Variants in CHD6 observed in about 807,000 individuals in gnomAD.
The protein encoded by CHD6 is chromodomain helicase DNA binding protein 6, also known as ATP-dependent chromatin remodeler CHD6.
CHD6 carries 50 observed loss-of-function variants against 276.9 expected under a neutral mutation model. The observed-to-expected ratio is 0.18, with a 90% CI of 0.14 to 0.23. CHD6 has a LOEUF of 0.23. Among genes scored for constraint, CHD6 ranks in the 10% least tolerant of loss-of-function variants. The pLI, the probability that CHD6 is intolerant of heterozygous loss-of-function variation, is 1.00. For missense variants in CHD6, 2,564 were observed against 3,365.8 expected (o/e 0.76, Z 5.89); for synonymous variants, 1,173 against 1,229.3 (o/e 0.95, Z 0.96).
In CHD6 at chr20:41,421,876, C is replaced by T. The variant is rs1391945124; in HGVS notation, c.4759G>A (p.Gly1587Ser). The T allele has an allele frequency of 6.2e-7, 1 of 1,614,098 alleles. No homozygotes were observed. Among genetic ancestry groups the T allele is most frequent in the Non-Finnish European group, 8.5e-7 (1 of 1,180,004 alleles). The change falls in exon 31 of 37, where the codon GGC (glycine) becomes AGC (serine). Residue 1587 changes from glycine (G) to serine (S), a missense_variant. Gly to Ser is a moderately conservative substitution (Grantham distance 56). Around this residue, in one of 7 missense-constraint regions of CHD6, gnomAD observed 515 missense variants for 739.5 expected, o/e 0.70. Coordinates refer to ENST00000373233, the MANE Select transcript of CHD6 (RefSeq NM_032221.5). ...CGGTTCAGCCCATGTTTGGCAGTGC[C>T]GATGAGCAGGTCTCGATCATGCTTC... Reference protein sequence around the residue: ...CGKHDRDLLIGTAKHGLNRTD... With the variant: ...CGKHDRDLLISTAKHGLNRTD...
intron 1 of CHD6, among the ~76,000 whole-genome samples, chr20:41,596,782 C>T (rs2045722272): frequency 6.6e-6 from 1 of 152,042 alleles, no homozygotes; most frequent in African/African-American, 2.4e-5. Context: ...TCCCCTTGGG[C>T]AGGGGATGTG....
At chr20:41,427,370 C>T (rs113549949) in intron 27 of CHD6, among the ~76,000 whole-genome samples, 1,572 of 152,200 alleles carry the variant, frequency 0.01, 22 homozygotes, top group African/African-American at 0.029. Context: ...CGGAGAACTA[C>T]GTGTTAAGCA....
At chr20:41,535,508 CT>C (rs2085942476) in intron 2 of CHD6, among the ~76,000 whole-genome samples, 1 of 152,150 alleles carries the variant, frequency 6.6e-6, no homozygotes, top group Admixed American at 6.5e-5. Context: ...GTATGACCTC[CT>C]GGGGAACTAC....
In CHD6 at chr20:41,421,151, A is replaced by C. The variant is rs763371674; in HGVS notation, c.5484T>G (p.Ser1828Arg). The C allele has an allele frequency of 6.2e-7, 1 of 1,614,012 alleles. No individual in the cohort carries two copies. The highest frequency in any genetic ancestry group is 1.3e-5 in the African/African-American group (1 of 75,034). The change falls in exon 31 of 37, where the codon AGT becomes AGG. Residue 1828 changes from serine to arginine, a missense_variant. Ser to Arg is a moderately radical substitution (Grantham distance 110). This residue lies in a region of CHD6 where 1,024 missense variants were observed against 1,047.9 expected (regional missense o/e 0.98). Coordinates refer to ENST00000373233, the MANE Select transcript of CHD6 (RefSeq NM_032221.5). ...GNESGFVDMC[S>R]LSVCDSKRNL... ...TTCTTTTGGAGTCACAGACACTAAG[A>C]CTGCACATATCTACAAACCCACTTT...
intron 2 of CHD6, among the ~76,000 whole-genome samples, chr20:41,542,054 T>C (rs2044953338): frequency 6.6e-6 from 1 of 152,224 alleles, no homozygotes; most frequent in African/African-American, 2.4e-5. Context: ...AATAAGTGCC[T>C]GTGTTGTTTT....
Position 41,498,202 on chromosome 20 carries a change from C to A in CHD6, c.940G>T (p.Asp314Tyr). 1 of 1,611,644 alleles carries A rather than the reference C, an allele frequency of 6.2e-7. No homozygotes were observed. ...TACTTAACGTAGAACAGCTCCAAGT[C>A]GAACGGAGGTTCTCCTGGGTGAACC... ...QEVHPGEPPFDLELFYVKYRN... is the reference protein window; with the variant it reads ...QEVHPGEPPFYLELFYVKYRN... Residue 314 changes from aspartate to tyrosine, a missense_variant, in exon 7 of 37, where the codon GAC becomes TAC. By Grantham distance (160) the Asp-to-Tyr change is radical. This residue lies in a region of CHD6 where 457 missense variants were observed against 889.0 expected (regional missense o/e 0.51). Coordinates refer to ENST00000373233, the MANE Select transcript of CHD6 (RefSeq NM_032221.5).
intron 1 of CHD6, among the ~76,000 whole-genome samples, chr20:41,605,234 T>C (rs1007390672): frequency 1.3e-5 from 2 of 152,214 alleles, no homozygotes; most frequent in Admixed American, 6.5e-5. Context: ...TGGGTGTTCA[T>C]GGTATTGTTC....
intron 2 of CHD6, among the ~76,000 whole-genome samples, chr20:41,542,384 C>T (rs1057261272): frequency 7.2e-5 from 11 of 152,190 alleles, no homozygotes; most frequent in African/African-American, 2.4e-4. Context: ...ACCAGGACCC[C>T]GGCCTAGAGT....
chr20:41,418,962 C>T (rs2047092404), intron 31 of CHD6, among the ~76,000 whole-genome samples: 1 of 152,228 alleles, frequency 6.6e-6, no homozygotes, highest in African/African-American at 2.4e-5. Flanking sequence ...CCATACTTAT[C>T]TTTACCTTGT....
rs775015513 is a variant in CHD6 at position 41,420,623 on chromosome 20, T to A, written c.6012A>T (p.Ala2004=). ...ELLKEPWKES[A]EGQNVFPTYP... ...ATGTGGGGAAAACGTTTTGCCCCTCTGCACTTTCTTTCCAAGGTTCTTTTA... is the reference window on the plus strand; with the variant it reads ...ATGTGGGGAAAACGTTTTGCCCCTCAGCACTTTCTTTCCAAGGTTCTTTTA... Residue 2004 remains alanine, a synonymous_variant, in exon 31 of 37, where the codon GCA becomes GCT. Transcript: ENST00000373233. 1 of 1,614,252 alleles carries A rather than the reference T, an allele frequency of 6.2e-7. No individual in the cohort carries two copies. Among genetic ancestry groups the A allele is most frequent in the South Asian group, 1.1e-5 (1 of 91,090 alleles).
intron 17 of CHD6, among the ~76,000 whole-genome samples, chr20:41,469,959 G>A (rs1352403298): frequency 6.6e-6 from 1 of 152,224 alleles, no homozygotes; most frequent in Non-Finnish European, 1.5e-5. Flanking sequence ...GAGGAGGACA[G>A]GAGGATTTGG....
intron 2 of CHD6, among the ~76,000 whole-genome samples, chr20:41,536,602 ATCT>A (rs1456922376): frequency 6.6e-6 from 1 of 152,242 alleles, no homozygotes; most frequent in Non-Finnish European, 1.5e-5. Context: ...CTGCTACAGA[ATCT>A]TCTTCATCAG....
At chr20:41,506,522 A>G (rs985049936) in intron 5 of CHD6, among the ~76,000 whole-genome samples, 1 of 152,126 alleles carries the variant, frequency 6.6e-6, no homozygotes, top group African/African-American at 2.4e-5. Context: ...AGTGAAGGCA[A>G]CTCTGACCAC....
intron 16 of CHD6, among the ~76,000 whole-genome samples, chr20:41,476,783 C>G (rs1465944191): frequency 6.8e-6 from 1 of 146,134 alleles, no homozygotes; most frequent in African/African-American, 2.5e-5. Context: ...AGATGTCAGT[C>G]TAAAAAAATA....
rs151312203 is a variant in CHD6 at position 41,552,918 on chromosome 20, T to G, written c.-23-1558A>C. Among the ~76,000 whole-genome samples, 82 of 152,330 alleles carry G rather than the reference T, an allele frequency of 5.4e-4. No homozygotes were observed. The East Asian group carries it at 0.013, about 24-fold the overall frequency. ...AAAGGCAAGTCCAGTTAGTAAATGGTGCTTCTAAGAATCAATGCAAGGGTT... is the reference window on the plus strand; with the variant it reads ...AAAGGCAAGTCCAGTTAGTAAATGGGGCTTCTAAGAATCAATGCAAGGGTT... On this transcript the variant is annotated intron_variant, in intron 1 of 36. Coordinates refer to ENST00000373233, the MANE Select transcript of CHD6 (RefSeq NM_032221.5).
chr20:41,426,017 A>C (rs2047351772), intron 28 of CHD6, 76 bp downstream of exon 28: 1 of 1,069,868 alleles, frequency 9.3e-7, no homozygotes, highest in Admixed American at 1.7e-5. Context: ...ACTACTTATT[A>C]ATTACATATA....
chr20:41,474,762 TC>T (rs990817754), intron 16 of CHD6, among the ~76,000 whole-genome samples: 9 of 152,254 alleles, frequency 5.9e-5, no homozygotes, highest in Admixed American at 5.2e-4. Flanking sequence ...GATCTTGACT[TC>T]CTTGAAGAAA....
At chr20:41,449,204 GT>G (rs1171179101) in intron 23 of CHD6, among the ~76,000 whole-genome samples, 1 of 152,048 alleles carries the variant, frequency 6.6e-6, no homozygotes. Context: ...CACCCAACCT[GT>G]TTGTTTATTT....
chr20:41,487,914 T>A (rs1474478221), intron 13 of CHD6, 106 bp from the exon 14 acceptor site: 3 of 1,119,452 alleles, frequency 2.7e-6, no homozygotes, highest in Non-Finnish European at 3.9e-6. Flanking sequence ...TTGGGGCAAT[T>A]CTGATCTGCT....
Sources: allele counts gnomAD v4.1 joint callset (sites outside exome capture counted in the v4.1 genomes callset), GRCh38; gene constraint gnomAD v4.1.1; regional missense constraint gnomAD v4.1.1; transcripts MANE v1.5; gene names NCBI Gene and HGNC (gene_info 2026-07-23, HGNC 2026-07-21).